LRRTM4: variants seen among roughly 807,000 people sequenced by gnomAD.
LRRTM4 encodes the protein leucine-rich repeat transmembrane neuronal protein 4.
LRRTM4 carries 25 observed loss-of-function variants against 47.6 expected under a neutral mutation model. The observed-to-expected ratio is 0.53, with a 90% CI of 0.38 to 0.73. The LOEUF is 0.73. Ranked by LOEUF, LRRTM4 falls within the 30% of genes least tolerant of loss-of-function variation. The probability of loss-of-function intolerance (pLI) is 0.00; values close to 1 mark genes in which losing one functional copy is unlikely to be tolerated. For synonymous variants in LRRTM4, 311 were observed against 269.5 expected (o/e 1.15, Z -1.51); for missense variants, 638 against 713.4 (o/e 0.89, Z 1.20).
chr2:77,398,070 A>C (rs1673771715), intron 3 of LRRTM4, among the ~76,000 whole-genome samples: 1 of 151,200 alleles, frequency 6.6e-6, no homozygotes, highest in South Asian at 2.1e-4. Flanking sequence ...ACCCAAAAGA[A>C]CCTCCCATTT....
At chr2:77,343,645 C>T (rs1671456272) in intron 3 of LRRTM4, among the ~76,000 whole-genome samples, 1 of 151,870 alleles carries the variant, frequency 6.6e-6, no homozygotes, top group Non-Finnish European at 1.5e-5. Context: ...TCTCCAGCTG[C>T]ATTTAGCAGT....
At chr2:77,179,337 G>A (rs1328002681) in intron 3 of LRRTM4, among the ~76,000 whole-genome samples, 1 of 152,144 alleles carries the variant, frequency 6.6e-6, no homozygotes, top group African/African-American at 2.4e-5. Flanking sequence ...GTACCTAACA[G>A]TAAGTAAAAA....
chr2:77,014,684 C>A (rs150655198), intron 3 of LRRTM4, among the ~76,000 whole-genome samples: 6 of 151,540 alleles, frequency 4.0e-5, no homozygotes, highest in African/African-American at 1.2e-4. Flanking sequence ...TGGTGGTGGG[C>A]GCCTGTAATC....
chr2:77,286,016 A>G (rs1294780211), intron 3 of LRRTM4, among the ~76,000 whole-genome samples: 6 of 152,128 alleles, frequency 3.9e-5, no homozygotes, highest in African/African-American at 1.2e-4. Context: ...GACATCAACC[A>G]TATATTTTAA....
chr2:77,180,920 A>C (rs1242860064), intron 3 of LRRTM4, among the ~76,000 whole-genome samples: 1 of 152,150 alleles, frequency 6.6e-6, no homozygotes, highest in Non-Finnish European at 1.5e-5. Context: ...CTTTCAGTAC[A>C]CTTACATATA....
chr2:76,864,572 G>T (rs954511043), intron 3 of LRRTM4, among the ~76,000 whole-genome samples: 1 of 151,498 alleles, frequency 6.6e-6, no homozygotes, highest in Non-Finnish European at 1.5e-5. Flanking sequence ...CAGGGGAATT[G>T]CTTGAATGTA....
At chr2:76,913,151 T>C (rs1334020081) in intron 3 of LRRTM4, among the ~76,000 whole-genome samples, 2 of 152,236 alleles carry the variant, frequency 1.3e-5, no homozygotes, top group East Asian at 3.8e-4. Context: ...CATCTGTCTT[T>C]CCTGCTTTGC....
At chr2:77,292,423 A>T (rs1270980825) in intron 3 of LRRTM4, among the ~76,000 whole-genome samples, 1 of 151,882 alleles carries the variant, frequency 6.6e-6, no homozygotes, top group African/African-American at 2.4e-5. Context: ...CACTATTCAC[A>T]ATAGCAAAGA....
At chr2:76,914,232 T>A (rs1278142501) in intron 3 of LRRTM4, among the ~76,000 whole-genome samples, 2 of 152,016 alleles carry the variant, frequency 1.3e-5, no homozygotes, top group Non-Finnish European at 2.9e-5. Context: ...AACTTTATAT[T>A]ATTAATGAAG....
At chr2:76,987,216 C>A (rs969590584) in intron 3 of LRRTM4, among the ~76,000 whole-genome samples, 1 of 150,950 alleles carries the variant, frequency 6.6e-6, no homozygotes, top group Non-Finnish European at 1.5e-5. Flanking sequence ...TTTTTATAAC[C>A]AAAGGTTGTA....
At chr2:76,938,883 T>A (rs1301052943) in intron 3 of LRRTM4, among the ~76,000 whole-genome samples, 2 of 152,138 alleles carry the variant, frequency 1.3e-5, no homozygotes, top group African/African-American at 4.8e-5. Context: ...TCTTTTACAT[T>A]TAAGTTCTGT....
chr2:77,506,022 T>C (rs1305469963), intron 3 of LRRTM4, among the ~76,000 whole-genome samples: 2 of 151,608 alleles, frequency 1.3e-5, no homozygotes. Context: ...TCTTTTTTAG[T>C]AGACATGGAA....
chr2:77,160,364 G>A (rs142192422), intron 3 of LRRTM4, among the ~76,000 whole-genome samples: 93 of 152,218 alleles, frequency 6.1e-4, no homozygotes, highest in African/African-American at 2.1e-3. Context: ...TTTGTGAGTA[G>A]TGAGCCATAA....
In LRRTM4 at chr2:77,290,936, A is replaced by G. The variant is rs189602178; in HGVS notation, c.1551+227382T>C. ...TTAGTGCCCTGTGATCTTCCAGTTCAAGCATCTTCCAATCTCAATATACAT... is the reference window on the plus strand; with the variant it reads ...TTAGTGCCCTGTGATCTTCCAGTTCGAGCATCTTCCAATCTCAATATACAT... On this transcript the variant is annotated intron_variant, in intron 3 of 3. Transcript: ENST00000409884. Among the ~76,000 whole-genome samples, 178 of 152,160 alleles carry G rather than the reference A, an allele frequency of 1.2e-3. 1 individual carries two copies. Among genetic ancestry groups the G allele is most frequent in the African/African-American group, 4.2e-3 (173 of 41,520 alleles).
chr2:76,905,739 G>A (rs1331827056), intron 3 of LRRTM4, among the ~76,000 whole-genome samples: 2 of 151,026 alleles, frequency 1.3e-5, no homozygotes, highest in Admixed American at 6.6e-5. Context: ...TGGAAGAAAG[G>A]GTATCAGTGA....
At chr2:77,340,727 T>C (rs1400528284) in intron 3 of LRRTM4, among the ~76,000 whole-genome samples, 1 of 151,920 alleles carries the variant, frequency 6.6e-6, no homozygotes, top group Non-Finnish European at 1.5e-5. Flanking sequence ...GAGAAATGAT[T>C]TCATTTTGGC....
chr2:76,972,817 C>T (rs900149943), intron 3 of LRRTM4, among the ~76,000 whole-genome samples: 3 of 151,920 alleles, frequency 2.0e-5, no homozygotes, highest in Admixed American at 6.6e-5. Context: ...TTTGAAATCC[C>T]GGATGGCATG....
In LRRTM4 at chr2:77,178,447, G is replaced by A. The variant is rs757995566; in HGVS notation, c.1551+339871C>T. On this transcript the variant is annotated intron_variant, in intron 3 of 3. Coordinates refer to ENST00000409884, the MANE Select transcript of LRRTM4 (RefSeq NM_001134745.3). ...CCGAAAAAACAAAAATTAGCCAGGC[G>A]TGGTGGCGCGTGCCTGTATTCCTAG... Among the ~76,000 whole-genome samples the A allele has an allele frequency of 4.6e-5, 7 of 152,156 alleles. No homozygotes were observed. In the South Asian group the frequency reaches 8.3e-4, roughly 18 times the overall value.
Position 76,983,318 on chromosome 2 carries a change from A to G in LRRTM4, c.1552-234402T>C, listed in dbSNP as rs1573401996. Among the ~76,000 whole-genome samples, 4 of 152,058 alleles carry G rather than the reference A, an allele frequency of 2.6e-5. No individual in the cohort carries two copies. The East Asian group carries it at 7.8e-4, about 29-fold the overall frequency. On this transcript the variant is annotated intron_variant, in intron 3 of 3. Transcript: ENST00000409884. ...AACAGTAGGGATATGGTTTGGCAGTATCCCCACCCAAATCTCTCCTTGAAT... is the reference window on the plus strand; with the variant it reads ...AACAGTAGGGATATGGTTTGGCAGTGTCCCCACCCAAATCTCTCCTTGAAT...
Sources: gnomAD v4.1 joint callset for allele counts (sites outside exome capture counted in the v4.1 genomes callset) on GRCh38, gnomAD v4.1.1 for gene constraint, MANE v1.5 for transcripts, NCBI Gene and HGNC (gene_info 2026-07-23, HGNC 2026-07-21) for gene names.